Variants in HDX observed in about 807,000 individuals in gnomAD.
HDX encodes chromosome X open reading frame 43.
In HDX, 19 loss-of-function variants were observed where a neutral mutation model predicts 45.2. That is an observed-to-expected ratio of 0.42 (90% CI 0.29 to 0.62). The LOEUF is 0.62. HDX is among the 20% of genes least tolerant of loss of function. The probability of loss-of-function intolerance (pLI) is 0.20; values close to 1 mark genes in which losing one functional copy is unlikely to be tolerated. For synonymous variants in HDX, 188 were observed against 172.8 expected (o/e 1.09, Z -0.69); for missense variants, 532 against 493.9 (o/e 1.08, Z -0.73).
chrX:84,323,722 G>A (rs1260858399), intron 10 of HDX, among the ~76,000 whole-genome samples: 1 of 111,608 alleles, frequency 9.0e-6, no homozygotes, highest in African/African-American at 3.2e-5. Flanking sequence ...TACTAGATTT[G>A]CAACTGAAAA....
At chrX:84,491,019 C>T (rs1046018949) in intron 1 of HDX, among the ~76,000 whole-genome samples, 1 of 110,715 alleles carries the variant, frequency 9.0e-6, no homozygotes, top group African/African-American at 3.3e-5. Context: ...ACCTTGGTGC[C>T]ATTTTCTTCA....
intron 5 of HDX, among the ~76,000 whole-genome samples, chrX:84,396,838 C>T (rs1569315743): frequency 9.0e-6 from 1 of 110,921 alleles, no homozygotes; most frequent in African/African-American, 3.3e-5. Context: ...CATACTCTGG[C>T]ATGAGGGGGT....
intron 6 of HDX, among the ~76,000 whole-genome samples, chrX:84,352,826 C>G (rs1201389318): frequency 9.0e-6 from 1 of 111,697 alleles, no homozygotes; most frequent in Non-Finnish European, 1.9e-5. Flanking sequence ...ATGAACACAA[C>G]AAATTGTAAA....
intron 7 of HDX, 48 bp from the exon 8 acceptor site, chrX:84,336,928 T>TA: frequency 1.3e-6 from 1 of 794,566 alleles, no homozygotes; most frequent in Non-Finnish European, 1.8e-6. Flanking sequence ...CAAAACTTTC[T>TA]TGAGAATACT....
At chrX:84,371,596 T>C (rs923685590) in intron 5 of HDX, among the ~76,000 whole-genome samples, 1 of 111,845 alleles carries the variant, frequency 8.9e-6, no homozygotes, top group Non-Finnish European at 1.9e-5. Context: ...TTAGATATTA[T>C]ACATTTCTGT....
At chrX:84,428,001 G>A (rs895132335) in intron 5 of HDX, among the ~76,000 whole-genome samples, 10 of 110,338 alleles carry the variant, frequency 9.1e-5, no homozygotes, top group East Asian at 2.8e-4. Flanking sequence ...TGTACTGGGC[G>A]CACTGTAGTT....
At chrX:84,459,428 C>G (rs1178688778) in intron 4 of HDX, among the ~76,000 whole-genome samples, 2 of 104,177 alleles carry the variant, frequency 1.9e-5, no homozygotes, top group African/African-American at 7.1e-5. Flanking sequence ...GGCGACAGAG[C>G]GAGACTCGAT....
At chrX:84,391,759 C>A (rs1309253329) in intron 5 of HDX, among the ~76,000 whole-genome samples, 1 of 110,973 alleles carries the variant, frequency 9.0e-6, no homozygotes, top group Admixed American at 9.6e-5. Context: ...TGAGAAATGC[C>A]TAGATTATTT....
chrX:84,406,503 C>CACACACAT (rs2038829020), intron 5 of HDX, among the ~76,000 whole-genome samples: 1 of 50,767 alleles, frequency 2.0e-5, no homozygotes, highest in Non-Finnish European at 3.8e-5. Context: ...CACACACATA[C>CACACACAT]ACACACACAC....
chrX:84,383,970 A>G (rs779180424), intron 5 of HDX, among the ~76,000 whole-genome samples: 31 of 110,247 alleles, frequency 2.8e-4, no homozygotes, highest in Non-Finnish European at 5.1e-4. Context: ...ATTTAGGTGG[A>G]TTCTACGTCT....
At chrX:84,389,255 C>A (rs1232519642) in intron 5 of HDX, among the ~76,000 whole-genome samples, 2 of 111,823 alleles carry the variant, frequency 1.8e-5, no homozygotes, top group African/African-American at 6.5e-5. Context: ...TTTCTCAGAG[C>A]TCCCTTCAAT....
intron 5 of HDX, among the ~76,000 whole-genome samples, chrX:84,377,700 C>T: frequency 9.2e-6 from 1 of 109,009 alleles, no homozygotes; most frequent in Non-Finnish European, 1.9e-5. Context: ...AATACACAGT[C>T]AGAGGGACAA....
intron 5 of HDX, among the ~76,000 whole-genome samples, chrX:84,366,746 A>G (rs1393408789): frequency 9.0e-6 from 1 of 111,389 alleles, no homozygotes; most frequent in African/African-American, 3.3e-5. Context: ...ACCCCATTAA[A>G]CAAGCAACAC....
intron 10 of HDX, among the ~76,000 whole-genome samples, chrX:84,323,388 A>G (rs947753979): frequency 1.8e-5 from 2 of 110,977 alleles, no homozygotes; most frequent in Non-Finnish European, 3.8e-5. Flanking sequence ...TGATCAGTCT[A>G]TATGACATAC....
intron 1 of HDX, among the ~76,000 whole-genome samples, chrX:84,490,602 C>A (rs187036428): frequency 1.3e-4 from 14 of 110,997 alleles, no homozygotes; most frequent in East Asian, 1.1e-3. Context: ...TACTTTTCTT[C>A]GGTGTGATGA....
At chrX:84,456,159 C>T (rs1314568913) in intron 4 of HDX, among the ~76,000 whole-genome samples, 3 of 111,583 alleles carry the variant, frequency 2.7e-5, no homozygotes, top group Non-Finnish European at 5.7e-5. Context: ...ATTGTAAGTA[C>T]AGAGAAAATC....
intron 6 of HDX, among the ~76,000 whole-genome samples, chrX:84,360,688 G>A (rs1452491071): frequency 9.0e-6 from 1 of 111,041 alleles, no homozygotes; most frequent in African/African-American, 3.3e-5. Flanking sequence ...TTTGCAATGG[G>A]TTTCTTTCAT....
At chrX:84,448,796 C>G (rs2039932579) in intron 4 of HDX, among the ~76,000 whole-genome samples, 1 of 110,232 alleles carries the variant, frequency 9.1e-6, no homozygotes, top group African/African-American at 3.3e-5. Context: ...AGATTATATT[C>G]AAGAAGAAAT....
chrX:84,400,619 CCA>C (rs2038678391), intron 5 of HDX, among the ~76,000 whole-genome samples: 1 of 110,847 alleles, frequency 9.0e-6, no homozygotes, highest in African/African-American at 3.3e-5. Context: ...GTGAAAATGA[CCA>C]TTCTACCCAA....
Sources: gnomAD v4.1 joint callset for allele counts (sites outside exome capture counted in the v4.1 genomes callset) on GRCh38, gnomAD v4.1.1 for gene constraint, MANE v1.5 for transcripts, NCBI Gene and HGNC (gene_info 2026-07-23, HGNC 2026-07-21) for gene names.